Variants in GPC5 observed in about 807,000 individuals in gnomAD.
The protein encoded by GPC5 is glypican-5.
In GPC5, 47 loss-of-function variants were observed where a neutral mutation model predicts 53.9. That is an observed-to-expected ratio of 0.87 (90% CI 0.69 to 1.11). The LOEUF (loss-of-function observed/expected upper bound fraction) is 1.11, where lower values mean the gene tolerates loss of function less well. Ranked by LOEUF, GPC5 falls within the 50% of genes most tolerant of loss-of-function variation. The pLI, the probability that GPC5 is intolerant of heterozygous loss-of-function variation, is 0.00. For missense variants in GPC5, 748 were observed against 713.1 expected (o/e 1.05, Z -0.56); for synonymous variants, 286 against 263.3 (o/e 1.09, Z -0.84).
chr13:92,588,926 A>T (rs1186351849), intron 7 of GPC5, among the ~76,000 whole-genome samples: 7 of 152,160 alleles, frequency 4.6e-5, no homozygotes. Context: ...TCTCATCCTA[A>T]CCAAGGTGTA....
At position 91,992,159 on chromosome 13, in the gene GPC5, G is replaced by C. The variant is rs1251282362; in HGVS notation, c.1401+84102G>C. Among the ~76,000 whole-genome samples, 5 of 152,018 alleles carry C rather than the reference G, an allele frequency of 3.3e-5. No homozygotes were observed. In the East Asian group the frequency reaches 9.7e-4, roughly 29 times the overall value. ...CTCAAGTGATCCTCCTGCCTCCCAAGTAGCAGGGACTATAGGTGCACAACA... is the reference window on the plus strand; with the variant it reads ...CTCAAGTGATCCTCCTGCCTCCCAACTAGCAGGGACTATAGGTGCACAACA... On this transcript the variant is annotated intron_variant, in intron 6 of 7. Transcript: ENST00000377067.
intron 7 of GPC5, among the ~76,000 whole-genome samples, chr13:92,435,064 G>A (rs567315541): frequency 6.6e-6 from 1 of 152,034 alleles, no homozygotes; most frequent in Non-Finnish European, 1.5e-5. Context: ...ACAGGTGCAT[G>A]CCACCACACC....
At chr13:92,202,086 A>G (rs1241220240) in intron 7 of GPC5, among the ~76,000 whole-genome samples, 1 of 152,242 alleles carries the variant, frequency 6.6e-6, no homozygotes, top group Non-Finnish European at 1.5e-5. Flanking sequence ...GTCAGAAGTC[A>G]GTCTCAAACA....
intron 7 of GPC5, among the ~76,000 whole-genome samples, chr13:92,239,398 C>CA (rs1388570738): frequency 2.6e-5 from 4 of 151,862 alleles, no homozygotes; most frequent in African/African-American, 4.8e-5. Flanking sequence ...CTTATTGATG[C>CA]AAAATCATTC....
rs146486860 is a variant in GPC5, at chr13:92,506,289, A to G, written c.1562-359993A>G. 1.3e-4 allele frequency among the ~76,000 whole-genome samples: 20 copies of G among 152,234 alleles called. No homozygotes were observed. The East Asian group carries it at 3.9e-3, about 29-fold the overall frequency. ...ACACACACTTTTTCAAAAACTTCAT[A>G]TGAATGAAAGAGTTCTAAGGAACAA... On this transcript the variant is annotated intron_variant, in intron 7 of 7. Coordinates refer to ENST00000377067, the MANE Select transcript of GPC5 (RefSeq NM_004466.6).
At chr13:92,494,340 C>T (rs369493902) in intron 7 of GPC5, among the ~76,000 whole-genome samples, 12 of 152,196 alleles carry the variant, frequency 7.9e-5, no homozygotes, top group African/African-American at 1.4e-4. Flanking sequence ...CCGCCTGCCT[C>T]AGCCTCCCAA....
chr13:92,217,377 C>T (rs963564355), intron 7 of GPC5, among the ~76,000 whole-genome samples: 3 of 152,118 alleles, frequency 2.0e-5, no homozygotes, highest in African/African-American at 7.2e-5. Flanking sequence ...AATCCTTCAT[C>T]CTTCATCTCA....
chr13:92,446,080 T>C lies in GPC5; in HGVS notation c.1561+301091T>C, dbSNP rs189666437. Reference sequence around the variant, plus strand: ...GACTGTCTATCACCTCAAGCATTTATCTTTTGTGTTACAAACCAATTATAT... The same window carrying C: ...GACTGTCTATCACCTCAAGCATTTACCTTTTGTGTTACAAACCAATTATAT... On this transcript the variant is annotated intron_variant, in intron 7 of 7. Transcript: ENST00000377067. Among the ~76,000 whole-genome samples, 627 of 152,324 alleles carry C rather than the reference T, an allele frequency of 4.1e-3. 1 individual carries two copies. Among genetic ancestry groups the C allele is most frequent in the African/African-American group, 0.014 (574 of 41,574 alleles).
At chr13:91,803,914 C>A (rs1475466073) in intron 5 of GPC5, among the ~76,000 whole-genome samples, 2 of 151,434 alleles carry the variant, frequency 1.3e-5, no homozygotes, top group Non-Finnish European at 2.9e-5. Flanking sequence ...TAAATAGTGA[C>A]AACAAATTAG....
At chr13:91,909,679 T>C (rs1012287683) in intron 6 of GPC5, among the ~76,000 whole-genome samples, 43 of 152,094 alleles carry the variant, frequency 2.8e-4, no homozygotes, top group African/African-American at 1.0e-3. Context: ...CTATTACAGA[T>C]AATAAAGATG....
At chr13:91,528,095 A>G (rs1886170047) in intron 2 of GPC5, among the ~76,000 whole-genome samples, 1 of 152,188 alleles carries the variant, frequency 6.6e-6, no homozygotes, top group African/African-American at 2.4e-5. Flanking sequence ...TATTTATGCA[A>G]ATATATCCAG....
chr13:91,892,659 G>A (rs2039399697), intron 5 of GPC5, among the ~76,000 whole-genome samples: 1 of 151,574 alleles, frequency 6.6e-6, no homozygotes, highest in Admixed American at 6.6e-5. Flanking sequence ...TGATTCCAAA[G>A]AATGTAACTT....
intron 7 of GPC5, among the ~76,000 whole-genome samples, chr13:92,285,003 A>C (rs2042943461): frequency 1.3e-5 from 2 of 152,204 alleles, no homozygotes; most frequent in South Asian, 4.1e-4. Flanking sequence ...CCATCGTCTC[A>C]GCCCAAAATC....
chr13:91,406,409 T>A (rs1877327110), intron 1 of GPC5, among the ~76,000 whole-genome samples: 1 of 152,202 alleles, frequency 6.6e-6, no homozygotes. Flanking sequence ...TTTTCTTACT[T>A]CTTCACAGCA....
intron 7 of GPC5, among the ~76,000 whole-genome samples, chr13:92,782,726 C>A (rs2138763913): frequency 6.6e-6 from 1 of 152,220 alleles, no homozygotes; most frequent in East Asian, 1.9e-4. Context: ...TTACTGCACC[C>A]AAGATATAAA....
chr13:91,509,313 G>T (rs1277758979), intron 2 of GPC5, among the ~76,000 whole-genome samples: 2 of 149,310 alleles, frequency 1.3e-5, no homozygotes, highest in African/African-American at 4.9e-5. Context: ...AAAAACTTTT[G>T]CAAACAAACT....
At position 91,398,973 on chromosome 13, in the gene GPC5, A is replaced by G; in HGVS notation, c.-74A>G. On this transcript the variant is annotated 5_prime_UTR_variant, in exon 1 of 8. Coordinates refer to ENST00000377067, the MANE Select transcript of GPC5 (RefSeq NM_004466.6). ...GAGAGCCTCGGCCGCTGTGTCTTCC[A>G]CGTCTGCAGCTCAGCCAGGGCGCGC... 15 of 1,489,216 alleles carry G rather than the reference A, an allele frequency of 1.0e-5. No homozygotes were observed. The South Asian group carries it at 1.0e-4, about 10-fold the overall frequency. The allele number at this position is 1,489,216 out of a possible 1,614,324, so 92.3% of individuals were successfully genotyped here.
chr13:92,054,748 G>T lies in GPC5; in HGVS notation c.1402-90082G>T, dbSNP rs150291329. The stretch of plus-strand genomic sequence containing the variant: ...GTTTTTCTCTATTTGCAGTACTATT[G>T]CAAAGATCATGCTGCAGTTCTTCCC... On this transcript the variant is annotated intron_variant, in intron 6 of 7. Transcript: ENST00000377067. Among the ~76,000 whole-genome samples, 156 of 152,256 alleles carry T rather than the reference G, an allele frequency of 1.0e-3. 1 individual carries two copies. The highest frequency in any genetic ancestry group is 3.3e-3 in the African/African-American group (138 of 41,554).
intron 7 of GPC5, among the ~76,000 whole-genome samples, chr13:92,229,041 G>A (rs182606558): frequency 4.7e-4 from 72 of 152,202 alleles, no homozygotes; most frequent in African/African-American, 1.6e-3. Context: ...GAAAGAAAAA[G>A]TGATAGACTA....
Sources: gnomAD v4.1 joint callset for allele counts (sites outside exome capture counted in the v4.1 genomes callset) on GRCh38, gnomAD v4.1.1 for gene constraint, MANE v1.5 for transcripts, NCBI Gene and HGNC (gene_info 2026-07-23, HGNC 2026-07-21) for gene names.